Variants in KIF5C observed in about 807,000 individuals in gnomAD.
The protein encoded by KIF5C is kinesin family member 5C.
Under a neutral mutation model 125.2 loss-of-function variants are expected in KIF5C, and 18 were observed. That is an observed-to-expected ratio of 0.14 (90% CI 0.10 to 0.21). The LOEUF is 0.21. KIF5C is among the 10% of genes least tolerant of loss of function. The pLI is 1.00. For missense variants in KIF5C, 780 were observed against 1,183.8 expected (o/e 0.66, Z 5.01); for synonymous variants, 405 against 434.0 (o/e 0.93, Z 0.83).
intron 6 of KIF5C, among the ~76,000 whole-genome samples, chr2:148,942,227 G>C (rs1022102476): frequency 6.6e-6 from 1 of 152,076 alleles, no homozygotes; most frequent in Admixed American, 6.5e-5. Flanking sequence ...TTGATATTGA[G>C]TGCAACTGTT....
At chr2:148,997,483 C>T (rs1574824896) in intron 18 of KIF5C, 143 bp downstream of exon 18, 11 of 1,447,954 alleles carry the variant, frequency 7.6e-6, no homozygotes, top group South Asian at 5.2e-5. Flanking sequence ...CATTCAGAGT[C>T]GATCTCAGAG....
rs965761849 is a variant in KIF5C at position 149,026,408 on chromosome 2, G to A, written c.*3338G>A. 1.3e-5 allele frequency: 2 copies of A among 152,146 alleles called. No homozygotes were observed. Among genetic ancestry groups the A allele is most frequent in the African/African-American group, 4.8e-5 (2 of 41,434 alleles). 9.4% of individuals were successfully genotyped at this position (152,146 alleles called of 1,614,324 possible). On this transcript the variant is annotated 3_prime_UTR_variant, in exon 26 of 26. Transcript: ENST00000435030. ...TACTGTTCATTGTGTGCAGATATAAGGGGAATAGGGCATTCTGTAGAATTA... is the reference window on the plus strand; with the variant it reads ...TACTGTTCATTGTGTGCAGATATAAAGGGAATAGGGCATTCTGTAGAATTA...
At chr2:149,001,549 G>C (rs180946994) in intron 21 of KIF5C, among the ~76,000 whole-genome samples, 182 of 152,248 alleles carry the variant, frequency 1.2e-3, no homozygotes, top group African/African-American at 4.1e-3. Flanking sequence ...GGAGTGATGG[G>C]CCCAACCTAC....
At chr2:148,931,342 C>G (rs763031486) in intron 3 of KIF5C, among the ~76,000 whole-genome samples, 1 of 152,078 alleles carries the variant, frequency 6.6e-6, no homozygotes, top group African/African-American at 2.4e-5. Context: ...ATCTTATTTC[C>G]GGAGAAGAGA....
In KIF5C at chr2:149,025,367, C is replaced by T. The variant is rs962217690; in HGVS notation, c.*2297C>T. The T allele has an allele frequency of 1.3e-5, 2 of 152,526 alleles. No individual in the cohort carries two copies. The highest frequency in any genetic ancestry group is 2.9e-5 in the Non-Finnish European group (2 of 68,014). 9.4% of individuals were successfully genotyped at this position (152,526 alleles called of 1,614,324 possible). On this transcript the variant is annotated 3_prime_UTR_variant, in exon 26 of 26. Transcript: ENST00000435030. Reference sequence around the variant, plus strand: ...TCCTATAGTGTGACTAAAAGGGAGGCAAATTATTGGAACGGATTATTCAAA... The same window carrying T: ...TCCTATAGTGTGACTAAAAGGGAGGTAAATTATTGGAACGGATTATTCAAA...
chr2:149,001,512 C>T (rs1681850355), intron 21 of KIF5C, among the ~76,000 whole-genome samples: 1 of 152,136 alleles, frequency 6.6e-6, no homozygotes, highest in African/African-American at 2.4e-5. Context: ...CAGGTAAAAC[C>T]TTGAGACCTG....
At chr2:148,888,286 C>G (rs755210513) in intron 1 of KIF5C, 4 of 152,250 alleles carry the variant, frequency 2.6e-5, no homozygotes, top group Non-Finnish European at 5.9e-5. Flanking sequence ...CTGCCACTTA[C>G]CTTCTGTCAC....
At chr2:148,951,000 A>G (rs572799219) in intron 10 of KIF5C, among the ~76,000 whole-genome samples, 11 of 152,354 alleles carry the variant, frequency 7.2e-5, no homozygotes, top group African/African-American at 2.6e-4. Context: ...TATGGTGTTT[A>G]AAACAAAACG....
intron 17 of KIF5C, 99 bp downstream of exon 17, chr2:148,994,637 C>A: frequency 7.2e-7 from 1 of 1,380,974 alleles, no homozygotes; most frequent in Non-Finnish European, 9.6e-7. Context: ...TCAGTTAAAG[C>A]ATTTCTAGGT....
Position 149,023,636 on chromosome 2 carries a change from C to T in KIF5C, c.*566C>T, listed in dbSNP as rs1190886950. On this transcript the variant is annotated 3_prime_UTR_variant, in exon 26 of 26. Transcript: ENST00000435030. ...CACATCTTTGGATCTGTAAAATATA[C>T]CTTTTAGTATGGCACCTGTTAAAAT... 1 of 152,592 alleles carries T rather than the reference C, an allele frequency of 6.6e-6. No individual in the cohort carries two copies. Among genetic ancestry groups the T allele is most frequent in the Non-Finnish European group, 1.5e-5 (1 of 68,022 alleles). 9.5% of individuals were successfully genotyped at this position (152,592 alleles called of 1,614,324 possible).
At chr2:148,957,592 TAAAA>T (rs201033625) in intron 10 of KIF5C, among the ~76,000 whole-genome samples, 12,115 of 71,174 alleles carry the variant, frequency 0.17, 652 homozygotes, top group Middle Eastern at 0.27. Context: ...TTTGTTCTAG[TAAAA>T]AAAAAAAAAA....
intron 1 of KIF5C, among the ~76,000 whole-genome samples, chr2:148,916,650 T>C (rs1011030006): frequency 6.6e-6 from 1 of 151,226 alleles, no homozygotes; most frequent in Non-Finnish European, 1.5e-5. Flanking sequence ...TTTTTTTTTT[T>C]AAAAACAGAA....
chr2:148,975,289 G>A (rs777840846), intron 12 of KIF5C, among the ~76,000 whole-genome samples: 7 of 152,080 alleles, frequency 4.6e-5, no homozygotes, highest in Non-Finnish European at 8.8e-5. Flanking sequence ...ATTCTTAGGG[G>A]TCCTCCTCTG....
chr2:149,011,734 G>A, intron 25 of KIF5C, 51 bp downstream of exon 25: 1 of 1,610,010 alleles, frequency 6.2e-7, no homozygotes, highest in East Asian at 2.2e-5. Flanking sequence ...GAGGCTTCTT[G>A]CCTTTCCAAA....
At chr2:148,961,076 C>T (rs528094144) in intron 10 of KIF5C, among the ~76,000 whole-genome samples, 127 of 152,308 alleles carry the variant, frequency 8.3e-4, no homozygotes, top group South Asian at 1.7e-3. Flanking sequence ...GCATCTCAAC[C>T]CCCCAGGCCA....
intron 4 of KIF5C, among the ~76,000 whole-genome samples, chr2:148,938,080 C>T (rs1682329181): frequency 6.6e-6 from 1 of 152,134 alleles, no homozygotes; most frequent in Admixed American, 6.5e-5. Context: ...TACTCTCTTA[C>T]TGTAGCTGTT....
At chr2:148,933,712 T>G (rs1367187366) in intron 3 of KIF5C, among the ~76,000 whole-genome samples, 9 of 142,488 alleles carry the variant, frequency 6.3e-5, no homozygotes, top group Admixed American at 6.3e-4. Flanking sequence ...CACACACAGA[T>G]GCACCACACA....
At chr2:148,971,134 T>A (rs556153493) in intron 11 of KIF5C, among the ~76,000 whole-genome samples, 1 of 152,190 alleles carries the variant, frequency 6.6e-6, no homozygotes, top group Non-Finnish European at 1.5e-5. Flanking sequence ...GTGTTAGTGG[T>A]GAATTTCTCT....
chr2:148,984,549 C>T (rs1447083695), intron 15 of KIF5C, among the ~76,000 whole-genome samples: 1 of 152,170 alleles, frequency 6.6e-6, no homozygotes, highest in East Asian at 1.9e-4. Flanking sequence ...ATCACATCCT[C>T]ACTCAACCAC....
Sources: allele counts gnomAD v4.1 joint callset (sites outside exome capture counted in the v4.1 genomes callset), GRCh38; gene constraint gnomAD v4.1.1; transcripts MANE v1.5; gene names NCBI Gene and HGNC (gene_info 2026-07-23, HGNC 2026-07-21).